The following CDYL variants were observed in gnomAD, a reference collection of about 807,000 sequenced individuals.
CDYL encodes chromodomain Y like, also known as chromodomain Y-like protein.
CDYL carries 8 observed loss-of-function variants against 47.3 expected under a neutral mutation model. The observed-to-expected ratio is 0.17, with a 90% CI of 0.10 to 0.31. The LOEUF is 0.31. Among genes scored for constraint, CDYL ranks in the 10% least tolerant of loss-of-function variants. The pLI is 1.00. For missense variants in CDYL, 471 were observed against 701.4 expected (o/e 0.67, Z 3.71); for synonymous variants, 266 against 265.0 (o/e 1.00, Z -0.04).
intron 1 of CDYL, among the ~76,000 whole-genome samples, chr6:4,829,628 G>T (rs540787716): frequency 1.3e-5 from 2 of 152,140 alleles, no homozygotes; most frequent in African/African-American, 2.4e-5. Context: ...CAGCTTTTCT[G>T]GGGGTGCCTG....
intron 1 of CDYL, among the ~76,000 whole-genome samples, chr6:4,808,714 G>A (rs1391792061): frequency 2.6e-5 from 4 of 152,238 alleles, no homozygotes; most frequent in Admixed American, 2.6e-4. Context: ...GACATGGTTT[G>A]CTGACTCTTA....
intron 2 of CDYL, among the ~76,000 whole-genome samples, chr6:4,930,523 T>C (rs1758002400): frequency 6.6e-6 from 1 of 152,330 alleles, no homozygotes; most frequent in Admixed American, 6.5e-5. Flanking sequence ...CCTTTCACTC[T>C]GGGAACATTG....
chr6:4,837,448 C>CT (rs1479496339), intron 1 of CDYL, among the ~76,000 whole-genome samples: 1 of 149,908 alleles, frequency 6.7e-6, no homozygotes, highest in African/African-American at 2.5e-5. Context: ...AGTAAATACT[C>CT]TTTTTTTTGT....
At chr6:4,921,263 A>G (rs1462089618) in intron 2 of CDYL, among the ~76,000 whole-genome samples, 1 of 152,204 alleles carries the variant, frequency 6.6e-6, no homozygotes. Flanking sequence ...AATACTAGTG[A>G]CTAAGCCTCG....
intron 2 of CDYL, among the ~76,000 whole-genome samples, chr6:4,725,307 C>T (rs1042227579): frequency 2.6e-5 from 4 of 152,274 alleles, no homozygotes; most frequent in African/African-American, 9.6e-5. Flanking sequence ...GAGCTGCCTG[C>T]CAGTCCTGCG....
At chr6:4,718,954 G>A (rs1364354053) in intron 2 of CDYL, among the ~76,000 whole-genome samples, 3 of 146,868 alleles carry the variant, frequency 2.0e-5, no homozygotes, top group African/African-American at 5.0e-5. Flanking sequence ...ACAGAGTTTT[G>A]CTCTTGTTGC....
At chr6:4,844,699 A>G (rs1760602439) in intron 1 of CDYL, among the ~76,000 whole-genome samples, 1 of 152,064 alleles carries the variant, frequency 6.6e-6, no homozygotes, top group African/African-American at 2.4e-5. Flanking sequence ...TGACATTTGG[A>G]TTTTATTCTT....
At chr6:4,942,825 G>A (rs73717776) in intron 4 of CDYL, among the ~76,000 whole-genome samples, 44 of 152,236 alleles carry the variant, frequency 2.9e-4, no homozygotes, top group African/African-American at 9.4e-4. Context: ...ACTGTCCTCC[G>A]AACTCCTGCT....
At chr6:4,762,028 T>C (rs896290928) in intron 3 of CDYL, among the ~76,000 whole-genome samples, 2 of 152,196 alleles carry the variant, frequency 1.3e-5, no homozygotes, top group Non-Finnish European at 2.9e-5. Flanking sequence ...GTTTTTCCCC[T>C]GTGAGCAAGA....
intron 2 of CDYL, chr6:4,733,097 C>T (rs1582292165): frequency 6.6e-6 from 1 of 152,458 alleles, no homozygotes; most frequent in East Asian, 1.9e-4. Flanking sequence ...TACAGATTCC[C>T]TATACACATG....
At chr6:4,823,803 A>G (rs752918795) in intron 1 of CDYL, among the ~76,000 whole-genome samples, 10 of 152,214 alleles carry the variant, frequency 6.6e-5, no homozygotes, top group Non-Finnish European at 1.5e-4. Flanking sequence ...TCACAATGTT[A>G]TATTTGTATT....
intron 2 of CDYL, among the ~76,000 whole-genome samples, chr6:4,900,740 CTGTT>C (rs1172396258): frequency 1.1e-4 from 13 of 122,048 alleles, no homozygotes; most frequent in Non-Finnish European, 1.1e-4. Context: ...AGTTAATTGA[CTGTT>C]TGCATTCATT....
intron 3 of CDYL, among the ~76,000 whole-genome samples, chr6:4,761,223 G>C (rs1467276311): frequency 6.6e-6 from 1 of 152,158 alleles, no homozygotes; most frequent in East Asian, 1.9e-4. Context: ...TTACATATGT[G>C]TTAAACAGAT....
intron 5 of CDYL, among the ~76,000 whole-genome samples, chr6:4,945,611 G>T (rs1283987691): frequency 6.6e-6 from 1 of 152,360 alleles, no homozygotes; most frequent in Middle Eastern, 3.4e-3. Context: ...GGAACAAGCA[G>T]CACCGGCCTG....
At chr6:4,894,660 G>T (rs527542359) in intron 2 of CDYL, among the ~76,000 whole-genome samples, 57 of 152,200 alleles carry the variant, frequency 3.7e-4, no homozygotes, top group Non-Finnish European at 7.9e-4. Context: ...ACGTTGGCCA[G>T]GCTGGTCTCA....
At chr6:4,876,593 A>C (rs1341056032) in intron 1 of CDYL, among the ~76,000 whole-genome samples, 2 of 152,194 alleles carry the variant, frequency 1.3e-5, no homozygotes, top group Non-Finnish European at 2.9e-5. Flanking sequence ...CACTTCAAAA[A>C]ATGTTTAATT....
At chr6:4,826,163 A>G (rs1008837616) in intron 1 of CDYL, among the ~76,000 whole-genome samples, 1 of 152,206 alleles carries the variant, frequency 6.6e-6, no homozygotes, top group Non-Finnish European at 1.5e-5. Flanking sequence ...ATGTGTGTGC[A>G]TATTTACCTT....
At chr6:4,734,231 G>A (rs9378411) in intron 2 of CDYL, among the ~76,000 whole-genome samples, 2 of 151,058 alleles carry the variant, frequency 1.3e-5, no homozygotes. Context: ...CAGCTGTCCT[G>A]ACAGTCAAAC....
chr6:4,900,774 C>CGTGTGT (rs368919776), intron 2 of CDYL, among the ~76,000 whole-genome samples: 6,916 of 25,858 alleles, frequency 0.27, 2,037 homozygotes, highest in East Asian at 0.37. Context: ...ATTCCGTATA[C>CGTGTGT]GTGTGTATAT....
Sources: allele counts gnomAD v4.1 joint callset (sites outside exome capture counted in the v4.1 genomes callset), GRCh38; gene constraint gnomAD v4.1.1; transcripts MANE v1.5; gene names NCBI Gene and HGNC (gene_info 2026-07-23, HGNC 2026-07-21).